Variants in CLSTN1 observed in about 807,000 individuals in gnomAD.
CLSTN1 encodes the protein calsyntenin-1.
Under a neutral mutation model 108.3 loss-of-function variants are expected in CLSTN1, and 28 were observed. The observed-to-expected ratio is 0.26, with a 90% CI of 0.19 to 0.35. The LOEUF is 0.35. Ranked by LOEUF, CLSTN1 falls within the 10% of genes least tolerant of loss-of-function variation. The pLI is 1.00. For synonymous variants in CLSTN1, 524 were observed against 534.9 expected, an observed-to-expected ratio of 0.98 and a Z score of 0.28; for missense variants, 1,157 against 1,302.6, an observed-to-expected ratio of 0.89 and a Z score of 1.72.
rs183348898 is a variant in CLSTN1 at position 9,749,504 on chromosome 1, G to A, written c.942C>T (p.Cys314=). 84 of 1,613,988 alleles carry A rather than the reference G, an allele frequency of 5.2e-5. No individual in the cohort carries two copies. The Admixed American group carries it at 5.7e-4, about 11-fold the overall frequency. The change falls in exon 7 of 19, where the codon TGC becomes TGT. Residue 314 remains cysteine, a synonymous_variant. Transcript: ENST00000377298. ...ELETSHIGKG[C]DRDTYSEKSL... ...ACTTCTCTGAGTAGGTGTCTCGGTCGCAGCCTTTCCCTATGTGGCTGGTTT... is the reference window on the plus strand; with the variant it reads ...ACTTCTCTGAGTAGGTGTCTCGGTCACAGCCTTTCCCTATGTGGCTGGTTT...
At chr1:9,783,143 G>A (rs770239608) in intron 1 of CLSTN1, among the ~76,000 whole-genome samples, 18 of 152,206 alleles carry the variant, frequency 1.2e-4, no homozygotes, top group Admixed American at 3.9e-4. Flanking sequence ...CCCAGTACAC[G>A]AACAGTTCCT....
At chr1:9,731,058 T>A in intron 18 of CLSTN1, 148 bp downstream of exon 18, 1 of 909,910 alleles carries the variant, frequency 1.1e-6, no homozygotes, top group Non-Finnish European at 1.7e-6. Context: ...AGCCTCGGTT[T>A]ACCCACGAAG....
At chr1:9,751,791 G>T in intron 4 of CLSTN1, 110 bp from the exon 5 acceptor site, 4 of 860,358 alleles carry the variant, frequency 4.6e-6, no homozygotes, top group Non-Finnish European at 1.8e-6. Flanking sequence ...AAAATTTCCT[G>T]TTTCTGATAC....
intron 7 of CLSTN1, among the ~76,000 whole-genome samples, chr1:9,748,983 C>T (rs552966027): frequency 6.6e-6 from 1 of 152,184 alleles, no homozygotes; most frequent in Admixed American, 6.5e-5. Context: ...CGGCTCACTG[C>T]AGCCTCAACC....
chr1:9,793,015 C>CT (rs765428905), intron 1 of CLSTN1, among the ~76,000 whole-genome samples: 2 of 150,208 alleles, frequency 1.3e-5, no homozygotes, highest in African/African-American at 2.4e-5. Context: ...ACGCAGATCC[C>CT]TTTTTTTTTC....
At chr1:9,759,513 A>AC (rs1253640910) in intron 2 of CLSTN1, among the ~76,000 whole-genome samples, 1 of 152,184 alleles carries the variant, frequency 6.6e-6, no homozygotes, top group Non-Finnish European at 1.5e-5. Context: ...TGATCTCCTG[A>AC]CCTCATGATC....
At chr1:9,741,931 A>G (rs1382324828) in intron 9 of CLSTN1, among the ~76,000 whole-genome samples, 1 of 152,214 alleles carries the variant, frequency 6.6e-6, no homozygotes, top group Non-Finnish European at 1.5e-5. Context: ...GCCGACAAAA[A>G]AGTGCCTTTA....
At chr1:9,819,233 T>C (rs917229887) in intron 1 of CLSTN1, among the ~76,000 whole-genome samples, 7 of 152,186 alleles carry the variant, frequency 4.6e-5, no homozygotes, top group African/African-American at 1.4e-4. Context: ...GTTTCAACTC[T>C]TATAAATGAA....
At chr1:9,802,349 T>A (rs1247912600) in intron 1 of CLSTN1, among the ~76,000 whole-genome samples, 1 of 152,204 alleles carries the variant, frequency 6.6e-6, no homozygotes, top group Non-Finnish European at 1.5e-5. Flanking sequence ...AAGAGGATCC[T>A]ACGTCAAAAG....
intron 1 of CLSTN1, among the ~76,000 whole-genome samples, chr1:9,798,295 C>A (rs908117596): frequency 6.6e-6 from 1 of 152,170 alleles, no homozygotes; most frequent in Non-Finnish European, 1.5e-5. Context: ...ATCATCACAG[C>A]AGCACTATTC....
intron 4 of CLSTN1, among the ~76,000 whole-genome samples, chr1:9,752,346 G>A (rs1651595826): frequency 6.6e-6 from 1 of 152,172 alleles, no homozygotes; most frequent in Admixed American, 6.5e-5. Flanking sequence ...AGGGCTAATG[G>A]TCAGGGCATG....
At chr1:9,822,929 G>A (rs1570536028) in intron 1 of CLSTN1, among the ~76,000 whole-genome samples, 1 of 152,168 alleles carries the variant, frequency 6.6e-6, no homozygotes, top group African/African-American at 2.4e-5. Context: ...TAGCAGAGAC[G>A]GAGATTTCTA....
chr1:9,786,600 G>A (rs1653498190), intron 1 of CLSTN1, among the ~76,000 whole-genome samples: 1 of 131,642 alleles, frequency 7.6e-6, no homozygotes, highest in African/African-American at 3.0e-5. Context: ...CTGAGATTGT[G>A]CTATTGCACT....
chr1:9,735,354 G>A (rs887131688), intron 13 of CLSTN1, 113 bp downstream of exon 13: 9 of 1,474,498 alleles, frequency 6.1e-6, no homozygotes, highest in African/African-American at 4.2e-5. Flanking sequence ...CACACTTTCT[G>A]GTTACACACG....
chr1:9,785,228 A>C (rs1011111109), intron 1 of CLSTN1, among the ~76,000 whole-genome samples: 2 of 152,144 alleles, frequency 1.3e-5, no homozygotes, highest in African/African-American at 4.8e-5. Flanking sequence ...GTCTGGTCTC[A>C]AACTCCTGGC....
At chr1:9,771,891 T>C (rs1652701541) in intron 2 of CLSTN1, among the ~76,000 whole-genome samples, 2 of 152,318 alleles carry the variant, frequency 1.3e-5, no homozygotes, top group South Asian at 2.1e-4. Context: ...CTCATGTTTA[T>C]TTCCTTCAAC....
At chr1:9,809,758 G>T (rs1012123525) in intron 1 of CLSTN1, among the ~76,000 whole-genome samples, 1 of 151,474 alleles carries the variant, frequency 6.6e-6, no homozygotes, top group African/African-American at 2.4e-5. Flanking sequence ...AAAATCAGCC[G>T]GGCGCGGTGG....
At chr1:9,790,793 A>G (rs1653730108) in intron 1 of CLSTN1, among the ~76,000 whole-genome samples, 1 of 151,282 alleles carries the variant, frequency 6.6e-6, no homozygotes, top group African/African-American at 2.4e-5. Flanking sequence ...TATTTTTGAA[A>G]AATCAGGGTG....
At chr1:9,818,741 A>C (rs1655078079) in intron 1 of CLSTN1, among the ~76,000 whole-genome samples, 1 of 150,552 alleles carries the variant, frequency 6.6e-6, no homozygotes, top group Non-Finnish European at 1.5e-5. Context: ...CAACATTTTA[A>C]ATTTCACTTA....
Sources: allele counts gnomAD v4.1 joint callset (sites outside exome capture counted in the v4.1 genomes callset), GRCh38; gene constraint gnomAD v4.1.1; transcripts MANE v1.5; gene names NCBI Gene and HGNC (gene_info 2026-07-23, HGNC 2026-07-21).